The following FGF8 variants were observed in gnomAD, a reference collection of about 807,000 sequenced individuals.
The protein encoded by FGF8 is androgen-induced growth factor.
In FGF8, 12 loss-of-function variants were observed where a neutral mutation model predicts 29.7. The ratio of observed to expected loss-of-function variants is 0.40; its 90% CI spans 0.26 to 0.65. The LOEUF is 0.65. Ranked by LOEUF, FGF8 falls within the 30% of genes least tolerant of loss-of-function variation. FGF8 has a pLI of 0.37. For synonymous variants in FGF8, 157 were observed against 144.4 expected, an observed-to-expected ratio of 1.09 and a Z score of -0.63; for missense variants, 271 against 345.1, an observed-to-expected ratio of 0.79 and a Z score of 1.70.
upstream of FGF8, among the ~76,000 whole-genome samples, chr10:101,776,854 CCACACACA>C (rs71016347): frequency 2.3e-3 from 280 of 123,974 alleles, 1 homozygote; most frequent in Admixed American, 6.4e-3. Flanking sequence ...GTGCCCCTCA[CCACACACA>C]CACACACACA....
upstream of FGF8, chr10:101,776,219 G>T (rs1334236729): frequency 3.2e-5 from 4 of 126,478 alleles, no homozygotes; most frequent in South Asian, 2.7e-4. Context: ...CGGGCGCGAG[G>T]GGGGAGCGCG....
Position 101,772,839 on chromosome 10 carries a change from G to C in FGF8, c.338-1270C>G, listed in dbSNP as rs970466427. Reference sequence around the variant, plus strand: ...CCCAAGTCAGCAGGGAAATGCAGCTGTCACCTCCCTGCCTGCCCACCTCCT... The same window carrying C: ...CCCAAGTCAGCAGGGAAATGCAGCTCTCACCTCCCTGCCTGCCCACCTCCT... On this transcript the variant is annotated intron_variant, in intron 4 of 5. Coordinates refer to ENST00000320185, the MANE Select transcript of FGF8 (RefSeq NM_033163.5). This position sits in a 1 kb window ranked among gnomAD's most constrained non-coding sequence, Gnocchi z 4.4. Among the ~76,000 whole-genome samples the C allele has an allele frequency of 2.0e-5, 3 of 152,174 alleles. No individual in the cohort carries two copies. Among genetic ancestry groups the C allele is most frequent in the Non-Finnish European group, 4.4e-5 (3 of 68,028 alleles).
rs1042862938 is a variant in FGF8 at position 101,772,198 on chromosome 10, G to A, written c.338-629C>T. Reference sequence around the variant, plus strand: ...TCCCTAAACACACAGCCCAAAGCAGGCTGCTTTCCCAGAACCTCAGACACC... The same window carrying A: ...TCCCTAAACACACAGCCCAAAGCAGACTGCTTTCCCAGAACCTCAGACACC... On this transcript the variant is annotated intron_variant, in intron 4 of 5. Transcript: ENST00000320185. The surrounding 1 kb of genome is among the most constrained non-coding windows in gnomAD (Gnocchi z 4.4). Among the ~76,000 whole-genome samples, 3 of 152,346 alleles carry A rather than the reference G, an allele frequency of 2.0e-5. No individual in the cohort carries two copies. Among genetic ancestry groups the A allele is most frequent in the Middle Eastern group, 6.8e-3 (2 of 294 alleles).
chr10:101,773,292 C>T lies in FGF8; in HGVS notation c.337+1440G>A, dbSNP rs574748689. 4.6e-5 allele frequency among the ~76,000 whole-genome samples: 7 copies of T among 152,298 alleles called. No homozygotes were observed. The South Asian group carries it at 1.0e-3, about 23-fold the overall frequency. ...TCCCCGAAATCCAAGGATGCTGGGC[C>T]ATTTGCTCTGACAGAGCAAACCCTG... On this transcript the variant is annotated intron_variant, in intron 4 of 5. Transcript: ENST00000320185.
Position 101,775,162 on chromosome 10 carries a change from C to T in FGF8, c.124G>A (p.Ala42Thr). The change falls in exon 3 of 6, where the codon GCT becomes ACT. Residue 42 changes from alanine to threonine, a missense_variant. This residue lies in a region of FGF8 where 168 missense variants were observed against 207.0 expected (regional missense o/e 0.81). Transcript: ENST00000320185. The surrounding 1 kb of genome is among the most constrained non-coding windows in gnomAD (Gnocchi z 4.6). ...LGRELASLFR[A>T]GREPQGVSQQ... is the part of the protein sequence containing the mutation. ...GAGACACCCTGGGGCTCCCGGCCAGCCCGGAACAGGGAAGCGAGCTCCCTG... is the reference window on the plus strand; with the variant it reads ...GAGACACCCTGGGGCTCCCGGCCAGTCCGGAACAGGGAAGCGAGCTCCCTG... The T allele has an allele frequency of 6.5e-7, 1 of 1,547,732 alleles. No individual in the cohort carries two copies. The highest frequency in any genetic ancestry group is 8.7e-7 in the Non-Finnish European group (1 of 1,146,322).
upstream of FGF8, among the ~76,000 whole-genome samples, chr10:101,780,128 C>T (rs2135009436): frequency 6.6e-6 from 1 of 152,372 alleles, no homozygotes; most frequent in Admixed American, 6.5e-5. Context: ...GGTTCCCAGC[C>T]AGGCCGCCCC....
chr10:101,779,839 A>C (rs537345911), upstream of FGF8, among the ~76,000 whole-genome samples: 66 of 152,340 alleles, frequency 4.3e-4, 1 homozygote, highest in African/African-American at 1.6e-3. This position sits in a 1 kb window ranked among gnomAD's most constrained non-coding sequence, Gnocchi z 5.7. Context: ...AGTGAGGGCC[A>C]CAGCCAGACT....
upstream of FGF8, among the ~76,000 whole-genome samples, chr10:101,779,187 G>C (rs1202881079): frequency 6.6e-6 from 1 of 152,140 alleles, no homozygotes; most frequent in African/African-American, 2.4e-5. This position sits in a 1 kb window ranked among gnomAD's most constrained non-coding sequence, Gnocchi z 5.7. Flanking sequence ...ACACCCGCCG[G>C]AGACCGCAGC....
In FGF8 at chr10:101,775,327, G is replaced by A. The variant is rs2065074885; in HGVS notation, c.70-111C>T. Reference sequence around the variant, plus strand: ...GAGAGTGCAGGGAACCTGGGCACCCGATCATTGGGCCAAATCGGCCACAAG... The same window carrying A: ...GAGAGTGCAGGGAACCTGGGCACCCAATCATTGGGCCAAATCGGCCACAAG... On this transcript the variant is annotated intron_variant, in intron 2 of 5. Transcript: ENST00000320185. The surrounding 1 kb of genome is among the most constrained non-coding windows in gnomAD (Gnocchi z 4.6). 3.8e-6 allele frequency: 3 copies of A among 788,774 alleles called. No homozygotes were observed. The highest frequency in any genetic ancestry group is 2.7e-5 in the East Asian group (1 of 37,090). The allele number at this position is 788,774 out of a possible 1,614,324, so 48.9% of individuals were successfully genotyped here. A position where few individuals can be genotyped will look rare whatever the true frequency, so the allele number is the denominator to read the frequency against.
At chr10:101,776,135 G>A (rs1486546009), upstream of FGF8, 1 of 140,736 alleles carries the variant, frequency 7.1e-6, no homozygotes, top group African/African-American at 2.7e-5. Flanking sequence ...CGGAGCGGGC[G>A]GGAGGGTCAC....
At position 101,770,717 on chromosome 10, in the gene FGF8, C is replaced by T. The variant is rs966288822; in HGVS notation, c.445-98G>A. ...AGCAGGTGGGCACCCCAGCAGATGG[C>T]GAGGTGGGCAGGAGCCGCAGCCCCA... On this transcript the variant is annotated intron_variant, in intron 5 of 5. Coordinates refer to ENST00000320185, the MANE Select transcript of FGF8 (RefSeq NM_033163.5). 121 of 1,377,516 alleles carry T rather than the reference C, an allele frequency of 8.8e-5. 1 individual carries two copies. The Admixed American group carries it at 1.9e-3, about 22-fold the overall frequency. The allele number at this position is 1,377,516 out of a possible 1,614,324, so 85.3% of individuals were successfully genotyped here. A position where few individuals can be genotyped will look rare whatever the true frequency, so the allele number is the denominator to read the frequency against.
Position 101,770,337 on chromosome 10 carries a change from G to C in FGF8, c.727C>G (p.Pro243Ala), listed in dbSNP as rs1049735997. The change falls in exon 6 of 6, where the codon CCC (proline) becomes GCC (alanine). Residue 243 changes from proline (P) to alanine (A), a missense_variant. Coordinates refer to ENST00000320185, the MANE Select transcript of FGF8 (RefSeq NM_033163.5). Reference sequence around the variant, plus strand: ...GGAGGGCCAGGCAGCACCTATCGGGGCTCGGGGGCCCAAGTCCTCTGGCTG... The same window carrying C: ...GGAGGGCCAGGCAGCACCTATCGGGCCTCGGGGGCCCAAGTCCTCTGGCTG... ...RGSQRTWAPEPR is the reference protein window; with the variant it reads ...RGSQRTWAPEAR The C allele has an allele frequency of 1.3e-6, 2 of 1,594,296 alleles. No homozygotes were observed. The highest frequency in any genetic ancestry group is 2.3e-5 in the East Asian group (1 of 44,224).
chr10:101,770,388 G>T lies in FGF8; in HGVS notation c.676C>A (p.Pro226Thr). Residue 226 changes from proline (P) to threonine (T), a missense_variant, in exon 6 of 6, where the codon CCG (proline) becomes ACG (threonine). By Grantham distance (38) the Pro-to-Thr change is conservative. Transcript: ENST00000320185. ...QSLRFEFLNY[P>T]PFTRSLRGSQ... ...CCGCGCAGGCTGCGCGTGAAGGGCGGGTAGTTGAGGAACTCGAAGCGCAGG... is the reference window on the plus strand; with the variant it reads ...CCGCGCAGGCTGCGCGTGAAGGGCGTGTAGTTGAGGAACTCGAAGCGCAGG... The T allele has an allele frequency of 6.2e-7, 1 of 1,605,318 alleles. No homozygotes were observed. Among genetic ancestry groups the T allele is most frequent in the Non-Finnish European group, 8.5e-7 (1 of 1,176,824 alleles).
chr10:101,777,064 C>T (rs1394204230), upstream of FGF8, among the ~76,000 whole-genome samples: 2 of 152,198 alleles, frequency 1.3e-5, no homozygotes, highest in African/African-American at 4.8e-5. Context: ...CCCTTTCCCC[C>T]TCAAAGCCCC....
chr10:101,779,436 G>A (rs1213879489), upstream of FGF8, among the ~76,000 whole-genome samples: 2 of 152,248 alleles, frequency 1.3e-5, no homozygotes, highest in Non-Finnish European at 2.9e-5. The surrounding 1 kb of genome is among the most constrained non-coding windows in gnomAD (Gnocchi z 5.7). Context: ...ACTGTGCGCT[G>A]AAGGGCAAAG....
upstream of FGF8, among the ~76,000 whole-genome samples, chr10:101,777,970 C>G (rs1312870519): frequency 6.6e-6 from 1 of 152,214 alleles, no homozygotes; most frequent in Non-Finnish European, 1.5e-5. Context: ...CAGGCGGAGA[C>G]AAGTCAGGTG....
In FGF8 at chr10:101,774,853, C is replaced by G. The variant is rs560812676; in HGVS notation, c.216G>C (p.Thr72=). 8.2e-5 allele frequency: 132 copies of G among 1,614,022 alleles called. No homozygotes were observed. In the South Asian group the frequency reaches 1.3e-3, roughly 15 times the overall value. The change falls in exon 4 of 6, where the codon ACG becomes ACC. Residue 72 remains threonine, a synonymous_variant. Coordinates refer to ENST00000320185, the MANE Select transcript of FGF8 (RefSeq NM_033163.5). The part of the protein sequence containing the change: ...TQHVREQSLV[T]DQLSRRLIRT... ...GGATGAGGCGGCGGCTGAGCTGATC[C>G]GTCACCAGGCTCTGCTCCCTCACAT...
chr10:101,775,361 G>A lies in FGF8; in HGVS notation c.70-145C>T, dbSNP rs986699394. On this transcript the variant is annotated intron_variant, in intron 2 of 5. Transcript: ENST00000320185. This position sits in a 1 kb window ranked among gnomAD's most constrained non-coding sequence, Gnocchi z 4.6. Reference sequence around the variant, plus strand: ...GCCAAATCGGCCACAAGCCTCCCCCGAGGGGCGCTGAGAGGGTCTCTGCTG... The same window carrying A: ...GCCAAATCGGCCACAAGCCTCCCCCAAGGGGCGCTGAGAGGGTCTCTGCTG... 2.7e-5 allele frequency: 18 copies of A among 662,554 alleles called. No individual in the cohort carries two copies. The highest frequency in any genetic ancestry group is 3.6e-5 in the African/African-American group (2 of 56,104). The allele number at this position is 662,554 out of a possible 1,614,324, so 41.0% of individuals were successfully genotyped here. A position where few individuals can be genotyped will look rare whatever the true frequency, so the allele number is the denominator to read the frequency against.
upstream of FGF8, among the ~76,000 whole-genome samples, chr10:101,779,338 G>T (rs1368592487): frequency 6.6e-6 from 1 of 152,222 alleles, no homozygotes; most frequent in Non-Finnish European, 1.5e-5. This position sits in a 1 kb window ranked among gnomAD's most constrained non-coding sequence, Gnocchi z 5.7. Flanking sequence ...CCAAATAGAA[G>T]CCTGCCCTTC....
Sources: gnomAD v4.1 joint callset for allele counts (sites outside exome capture counted in the v4.1 genomes callset) on GRCh38, gnomAD v4.1.1 for gene constraint, gnomAD v4.1.1 regional missense constraint, Gnocchi (gnomAD v3.1) non-coding constraint, MANE v1.5 for transcripts, NCBI Gene and HGNC (gene_info 2026-07-23, HGNC 2026-07-21) for gene names.